The following MAN2B2 variants were observed in gnomAD, a reference collection of about 807,000 sequenced individuals.
The protein encoded by MAN2B2 is epididymis-specific alpha-mannosidase.
Under a neutral mutation model 117.1 loss-of-function variants are expected in MAN2B2, and 106 were observed. The ratio of observed to expected loss-of-function variants is 0.90; its 90% CI spans 0.77 to 1.06. The LOEUF is 1.06. Ranked by LOEUF, MAN2B2 falls within the 50% of genes least tolerant of loss-of-function variation. MAN2B2 has a pLI of 0.00. For synonymous variants in MAN2B2, 544 were observed against 595.1 expected (o/e 0.91, Z 1.25); for missense variants, 1,326 against 1,381.4 (o/e 0.96, Z 0.64).
chr4:6,578,213 G>T (rs1326877929), intron 2 of MAN2B2, among the ~76,000 whole-genome samples, 180 bp from the exon 3 acceptor site: 20 of 152,166 alleles, frequency 1.3e-4, no homozygotes, highest in Admixed American at 1.3e-3. Flanking sequence ...AGGGCTGCAT[G>T]ATTTCTAGGT....
intron 10 of MAN2B2, among the ~76,000 whole-genome samples, chr4:6,602,456 C>G (rs1727370537): frequency 6.6e-6 from 1 of 152,102 alleles, no homozygotes; most frequent in South Asian, 2.1e-4. Context: ...GGGCACTAAT[C>G]CCATTCTTGA....
At chr4:6,600,951 C>T (rs1278311103) in intron 10 of MAN2B2, among the ~76,000 whole-genome samples, 195 bp downstream of exon 10, 1 of 152,166 alleles carries the variant, frequency 6.6e-6, no homozygotes, top group African/African-American at 2.4e-5. Flanking sequence ...CTGACACCAA[C>T]TGAGTGTCCT....
intron 7 of MAN2B2, among the ~76,000 whole-genome samples, chr4:6,596,846 C>T (rs984816371): frequency 6.6e-6 from 1 of 152,192 alleles, no homozygotes; most frequent in African/African-American, 2.4e-5. Flanking sequence ...TTCAGCACCC[C>T]ACCCCACCTG....
At chr4:6,614,436 G>T in intron 16 of MAN2B2, 81 bp downstream of exon 16, 1 of 1,535,578 alleles carries the variant, frequency 6.5e-7, no homozygotes, top group Non-Finnish European at 8.9e-7. Flanking sequence ...ACCAGACAGG[G>T]GCTCACCTTA....
chr4:6,613,813 G>A (rs1711710300), intron 15 of MAN2B2, among the ~76,000 whole-genome samples: 1 of 128,458 alleles, frequency 7.8e-6, no homozygotes, highest in African/African-American at 3.2e-5. Context: ...GAGGGAGGAG[G>A]AAGGAAGGAA....
intron 10 of MAN2B2, among the ~76,000 whole-genome samples, chr4:6,604,811 G>A (rs994076519): frequency 1.3e-5 from 2 of 152,096 alleles, no homozygotes; most frequent in South Asian, 2.1e-4. Flanking sequence ...AGTTCAGGAG[G>A]TGGGAGTAAG....
chr4:6,598,713 A>G lies in MAN2B2; in HGVS notation c.1405+359A>G, dbSNP rs530622287. 6.3e-4 allele frequency among the ~76,000 whole-genome samples: 96 copies of G among 152,354 alleles called. 3 individuals are homozygous for G. In the South Asian group the frequency reaches 0.019, roughly 30 times the overall value. On this transcript the variant is annotated intron_variant, in intron 9 of 18. Transcript: ENST00000285599. ...TTTTACAGCCGAGGAAACGGACTCAAGTTATATGCTAGCCCAGGGCCACTC... is the reference window on the plus strand; with the variant it reads ...TTTTACAGCCGAGGAAACGGACTCAGGTTATATGCTAGCCCAGGGCCACTC...
intron 11 of MAN2B2, 108 bp downstream of exon 11, chr4:6,605,437 G>A (rs1727507192): frequency 3.0e-6 from 4 of 1,311,662 alleles, no homozygotes; most frequent in African/African-American, 2.9e-5. Flanking sequence ...GGGAAGGACA[G>A]ATGGTGGTGA....
At position 6,609,893 on chromosome 4, in the gene MAN2B2, A is replaced by T. The variant is rs776493767; in HGVS notation, c.2102A>T (p.Glu701Val). ...HDGELLCHRI[E>V]QEYQAGPLEL... ...GGGGAGCTGCTCTGCCACCGGATAG[A>T]GCAGGAGTACCAAGCCGGCCCCCTG... The change falls in exon 13 of 19, where the codon GAG becomes GTG. Residue 701 changes from glutamate (E) to valine (V), a missense_variant. By Grantham distance (121) the Glu-to-Val change is moderately radical. Transcript: ENST00000285599. The T allele has an allele frequency of 6.2e-7, 1 of 1,614,102 alleles. No individual in the cohort carries two copies. The highest frequency in any genetic ancestry group is 8.5e-7 in the Non-Finnish European group (1 of 1,180,022).
intron 3 of MAN2B2, among the ~76,000 whole-genome samples, chr4:6,580,070 G>C (rs1463142994): frequency 6.6e-6 from 1 of 152,250 alleles, no homozygotes; most frequent in African/African-American, 2.4e-5. Context: ...TCCAGGCAGA[G>C]AGCAATGTTG....
At position 6,621,702 on chromosome 4, in the gene MAN2B2, G is replaced by A. The variant is rs930902664; in HGVS notation, c.*417G>A. ...TAACTGTGGACCTACTGCGTGCCAC[G>A]TGTTTTCATAGACTCATCCCATGCT... is the stretch of plus-strand genomic sequence containing the variant. On this transcript the variant is annotated 3_prime_UTR_variant, in exon 19 of 19. Coordinates refer to ENST00000285599, the MANE Select transcript of MAN2B2 (RefSeq NM_015274.3). 6 of 159,236 alleles carry A rather than the reference G, an allele frequency of 3.8e-5. No homozygotes were observed. The highest frequency in any genetic ancestry group is 7.2e-5 in the African/African-American group (3 of 41,674). 9.9% of individuals were successfully genotyped at this position (159,236 alleles called of 1,614,324 possible).
At chr4:6,606,156 C>A (rs1193223858) in intron 11 of MAN2B2, among the ~76,000 whole-genome samples, 1 of 152,028 alleles carries the variant, frequency 6.6e-6, no homozygotes, top group Non-Finnish European at 1.5e-5. Flanking sequence ...AGAGGGGAGA[C>A]AGAAAAAGAG....
At position 6,587,256 on chromosome 4, in the gene MAN2B2, A is replaced by G. The variant is rs1364740997; in HGVS notation, c.564+88A>G. ...GAGCACGGTAGAAAGCTGCTGCTCT[A>G]TGCCGAAGTGTTCGGAAATTCTTGG... On this transcript the variant is annotated intron_variant, in intron 4 of 18. Transcript: ENST00000285599. 2.7e-6 allele frequency: 4 copies of G among 1,476,266 alleles called. No individual in the cohort carries two copies. In the East Asian group the frequency reaches 7.1e-5, roughly 26 times the overall value. 91.4% of individuals were successfully genotyped at this position (1,476,266 alleles called of 1,614,324 possible). A position where few individuals can be genotyped will look rare whatever the true frequency, so the allele number is the denominator to read the frequency against.
At chr4:6,600,803 C>A in intron 10 of MAN2B2, 47 bp downstream of exon 10, 1 of 1,606,428 alleles carries the variant, frequency 6.2e-7, no homozygotes, top group Non-Finnish European at 8.5e-7. Flanking sequence ...GCTTGCTGAA[C>A]CTGCTCTGGG....
chr4:6,584,150 A>G (rs925738777), intron 3 of MAN2B2, among the ~76,000 whole-genome samples: 17 of 152,220 alleles, frequency 1.1e-4, no homozygotes, highest in African/African-American at 4.1e-4. Context: ...ACCATCACCC[A>G]ACATTCCTAG....
rs1201256932 is a variant in MAN2B2, at chr4:6,575,439, T to C, written c.138+91T>C. The C allele has an allele frequency of 5.8e-6, 6 of 1,037,282 alleles. No individual in the cohort carries two copies. In the South Asian group the frequency reaches 9.1e-5, roughly 16 times the overall value. 64.3% of individuals were successfully genotyped at this position (1,037,282 alleles called of 1,614,324 possible). A position where few individuals can be genotyped will look rare whatever the true frequency, so the allele number is the denominator to read the frequency against. On this transcript the variant is annotated intron_variant, in intron 1 of 18. Coordinates refer to ENST00000285599, the MANE Select transcript of MAN2B2 (RefSeq NM_015274.3). ...TGTGGGTTTGCGTCCCGGGGCCCGA[T>C]GCCGGCGCAGAAGGAGGCTCAGTGG... is the stretch of plus-strand genomic sequence containing the variant.
chr4:6,621,218 G>A lies in MAN2B2; in HGVS notation c.2963G>A (p.Gly988Glu), dbSNP rs745781364. The A allele has an allele frequency of 1.2e-6, 2 of 1,613,972 alleles. No individual in the cohort carries two copies. Among genetic ancestry groups the A allele is most frequent in the East Asian group, 4.5e-5 (2 of 44,872 alleles). ...ACCACCTCTCCCTCGAGGCCACCAG[G>A]AGGCCCCATCATCACCGTCCACCCA... is the stretch of plus-strand genomic sequence containing the variant. The part of the protein sequence containing the change: ...GDTTSPSRPP[G>E]GPIITVHPKE... The change falls in exon 19 of 19, where the codon GGA (glycine) becomes GAA (glutamate). Residue 988 changes from glycine to glutamate, a missense_variant. Coordinates refer to ENST00000285599, the MANE Select transcript of MAN2B2 (RefSeq NM_015274.3).
chr4:6,611,435 T>C (rs1711549771), intron 15 of MAN2B2, among the ~76,000 whole-genome samples, 157 bp downstream of exon 15: 1 of 152,168 alleles, frequency 6.6e-6, no homozygotes, highest in Non-Finnish European at 1.5e-5. Context: ...ATTTAACAGA[T>C]GGGCAAACTG....
At position 6,597,170 on chromosome 4, in the gene MAN2B2, C is replaced by T; in HGVS notation, c.1115C>T (p.Ala372Val). ...TCCCGCAGCTCACTGAAGGGGCTGG[C>T]CCGGCGAGCCAGCGCCTTGTTGTAT... ...YTSRSSLKGLARRASALLYAG... is the reference protein window; with the variant it reads ...YTSRSSLKGLVRRASALLYAG... The change falls in exon 8 of 19, where the codon GCC (alanine) becomes GTC (valine). Residue 372 changes from alanine to valine, a missense_variant. By Grantham distance (64) the Ala-to-Val change is moderately conservative. Coordinates refer to ENST00000285599, the MANE Select transcript of MAN2B2 (RefSeq NM_015274.3). The T allele has an allele frequency of 6.2e-7, 1 of 1,612,916 alleles. No homozygotes were observed. Among genetic ancestry groups the T allele is most frequent in the Non-Finnish European group, 8.5e-7 (1 of 1,179,832 alleles).
Sources: gnomAD v4.1 joint callset for allele counts (sites outside exome capture counted in the v4.1 genomes callset) on GRCh38, gnomAD v4.1.1 for gene constraint, MANE v1.5 for transcripts, NCBI Gene and HGNC (gene_info 2026-07-23, HGNC 2026-07-21) for gene names.